CYYR1: variants seen among roughly 807,000 people sequenced by gnomAD.
CYYR1 encodes cysteine and tyrosine rich 1, also known as cysteine and tyrosine-rich protein 1.
In CYYR1, 14 loss-of-function variants were observed where a neutral mutation model predicts 15.2. That is an observed-to-expected ratio of 0.92 (90% CI 0.61 to 1.44). CYYR1 has a LOEUF of 1.44. CYYR1 is among the 40% of genes most tolerant of loss of function. The pLI, the probability that CYYR1 is intolerant of heterozygous loss-of-function variation, is 0.00. For synonymous variants in CYYR1, 80 were observed against 77.4 expected (o/e 1.03, Z -0.18); for missense variants, 228 against 209.5 (o/e 1.09, Z -0.54).
At chr21:26,511,653 G>A (rs745775050) in intron 2 of CYYR1, among the ~76,000 whole-genome samples, 7 of 152,158 alleles carry the variant, frequency 4.6e-5, no homozygotes, top group Non-Finnish European at 1.0e-4. Flanking sequence ...TGATAAAAGA[G>A]GAGCAAGTGA....
intron 2 of CYYR1, among the ~76,000 whole-genome samples, chr21:26,562,761 G>C (rs748432951): frequency 0.024 from 2,179 of 91,256 alleles, 34 homozygotes; most frequent in Middle Eastern, 0.044. Context: ...CACACACACA[G>C]AGACATACAC....
chr21:26,537,068 G>T (rs2830273), intron 2 of CYYR1, among the ~76,000 whole-genome samples: 20,599 of 152,144 alleles, frequency 0.14, 1,552 homozygotes, highest in African/African-American at 0.21. Flanking sequence ...TGCGGGTTCA[G>T]AGTTTTCCTA....
At chr21:26,542,302 T>C (rs570768371) in intron 2 of CYYR1, among the ~76,000 whole-genome samples, 125 of 151,370 alleles carry the variant, frequency 8.3e-4, no homozygotes, top group African/African-American at 2.6e-3. Flanking sequence ...TGTGTGTGTG[T>C]GTGTGTGTGT....
intron 2 of CYYR1, among the ~76,000 whole-genome samples, chr21:26,508,516 G>A (rs2065600650): frequency 6.6e-6 from 1 of 152,126 alleles, no homozygotes; most frequent in Non-Finnish European, 1.5e-5. Context: ...TTGTGGTAAT[G>A]GGGGCTTTCT....
chr21:26,505,042 T>G (rs1444957565), intron 2 of CYYR1, among the ~76,000 whole-genome samples: 1 of 152,210 alleles, frequency 6.6e-6, no homozygotes, highest in Admixed American at 6.5e-5. Flanking sequence ...CAGGCTATAT[T>G]TTGCATTTTT....
At chr21:26,517,224 G>GTTATT (rs915167609) in intron 2 of CYYR1, among the ~76,000 whole-genome samples, 15 of 148,556 alleles carry the variant, frequency 1.0e-4, no homozygotes, top group African/African-American at 3.7e-4. Context: ...AATAAAATGA[G>GTTATT]TTATTGTGAA....
chr21:26,517,639 T>C (rs1049269579), intron 2 of CYYR1, among the ~76,000 whole-genome samples: 2 of 152,132 alleles, frequency 1.3e-5, no homozygotes, highest in African/African-American at 4.8e-5. Context: ...CACTGCAACC[T>C]CCATCTCCCG....
chr21:26,517,863 A>G (rs902699722), intron 2 of CYYR1, among the ~76,000 whole-genome samples: 1 of 152,106 alleles, frequency 6.6e-6, no homozygotes, highest in Non-Finnish European at 1.5e-5. Flanking sequence ...GCCCCAGACA[A>G]TTCTTTATTA....
chr21:26,498,119 C>T lies in CYYR1; in HGVS notation c.177-17690G>A, dbSNP rs376928249. Among the ~76,000 whole-genome samples, 34 of 152,210 alleles carry T rather than the reference C, an allele frequency of 2.2e-4. No homozygotes were observed. In the South Asian group the frequency reaches 7.0e-3, roughly 32 times the overall value. On this transcript the variant is annotated intron_variant, in intron 2 of 3. Transcript: ENST00000652641. The stretch of plus-strand genomic sequence containing the variant: ...TATTCACTTACTACAGATGAAGTAC[C>T]TAGTCAGTATTTTTCTAGGAGCTGT...
At chr21:26,535,379 C>G (rs922379082) in intron 2 of CYYR1, among the ~76,000 whole-genome samples, 1 of 152,078 alleles carries the variant, frequency 6.6e-6, no homozygotes, top group Non-Finnish European at 1.5e-5. Context: ...AACGAGTAGG[C>G]CGCTTTAAGA....
chr21:26,558,877 T>C (rs1348782331), intron 2 of CYYR1, among the ~76,000 whole-genome samples: 1 of 152,212 alleles, frequency 6.6e-6, no homozygotes, highest in African/African-American at 2.4e-5. Context: ...GGTCTTCTGA[T>C]GGAGGTGTGG....
At chr21:26,562,250 A>G (rs1270725472) in intron 2 of CYYR1, among the ~76,000 whole-genome samples, 1 of 152,230 alleles carries the variant, frequency 6.6e-6, no homozygotes, top group Non-Finnish European at 1.5e-5. Context: ...AGTTTGTCAT[A>G]AATGGTTTCA....
chr21:26,525,467 A>G (rs1394560057), intron 2 of CYYR1, among the ~76,000 whole-genome samples: 1 of 152,090 alleles, frequency 6.6e-6, no homozygotes, highest in Non-Finnish European at 1.5e-5. Context: ...AGGACTTTGG[A>G]ATTTAGTTCC....
intron 2 of CYYR1, among the ~76,000 whole-genome samples, chr21:26,553,618 T>A (rs1979552836): frequency 6.6e-6 from 1 of 152,124 alleles, no homozygotes; most frequent in South Asian, 2.1e-4. Flanking sequence ...GGGCAGTATT[T>A]CAAATTTTGT....
intron 2 of CYYR1, among the ~76,000 whole-genome samples, chr21:26,488,350 G>C (rs1000163224): frequency 1.3e-5 from 2 of 151,450 alleles, no homozygotes; most frequent in African/African-American, 4.9e-5. Context: ...CAACCTCTGG[G>C]CTCAAGTGAT....
chr21:26,493,807 C>A (rs1436476759), intron 2 of CYYR1, among the ~76,000 whole-genome samples: 2 of 152,166 alleles, frequency 1.3e-5, no homozygotes, highest in Non-Finnish European at 2.9e-5. Context: ...GCTTACTGGT[C>A]TGACTTTAAC....
At position 26,496,469 on chromosome 21, in the gene CYYR1, TTTTTTCTC is replaced by T; in HGVS notation, c.177-16048_177-16041del. Among the ~76,000 whole-genome samples the T allele has an allele frequency of 2.0e-5, 3 of 152,330 alleles. No individual in the cohort carries two copies. The South Asian group carries it at 6.2e-4, about 32-fold the overall frequency. ...TGCTGTTAATGAATATTGCTATTAT[TTTTTTCTC>T]AGTCTACAAAATGCATTTAAAATAT... On this transcript the variant is annotated intron_variant, in intron 2 of 3. Transcript: ENST00000652641.
chr21:26,476,726 G>A (rs1422607068), intron 3 of CYYR1, among the ~76,000 whole-genome samples: 1 of 151,606 alleles, frequency 6.6e-6, no homozygotes, highest in Non-Finnish European at 1.5e-5. Context: ...GAAATCTCTT[G>A]CTTTCCTTTT....
intron 2 of CYYR1, chr21:26,564,576 G>A (rs2123727227): frequency 8.7e-6 from 6 of 687,022 alleles, no homozygotes; most frequent in Non-Finnish European, 1.1e-5. Flanking sequence ...CACTGCAAAT[G>A]TAAATCATAT....
Sources: gnomAD v4.1 joint callset for allele counts (sites outside exome capture counted in the v4.1 genomes callset) on GRCh38, gnomAD v4.1.1 for gene constraint, MANE v1.5 for transcripts, NCBI Gene and HGNC (gene_info 2026-07-23, HGNC 2026-07-21) for gene names.